The following COX10 variants were observed in gnomAD, a reference collection of about 807,000 sequenced individuals.
COX10 encodes the protein cytochrome c oxidase assembly factor heme A:farnesyltransferase COX10, also known as protoheme IX farnesyltransferase, mitochondrial.
A neutral mutation model predicts 37.3 loss-of-function variants in COX10; 27 were observed. That is an observed-to-expected ratio of 0.72 (90% CI 0.53 to 1.00). The LOEUF (loss-of-function observed/expected upper bound fraction) is 1.00. Ranked by LOEUF, COX10 falls within the 50% of genes least tolerant of loss-of-function variation. COX10 has a pLI of 0.00. For synonymous variants in COX10, 222 were observed against 229.1 expected, an observed-to-expected ratio of 0.97 and a Z score of 0.28; for missense variants, 475 against 563.2, an observed-to-expected ratio of 0.84 and a Z score of 1.59.
At chr17:14,163,997 C>A (rs1402285431) in intron 5 of COX10, among the ~76,000 whole-genome samples, 1 of 152,092 alleles carries the variant, frequency 6.6e-6, no homozygotes, top group East Asian at 1.9e-4. Context: ...TTTTGCAAAT[C>A]TGACTCCACA....
intron 5 of COX10, among the ~76,000 whole-genome samples, chr17:14,190,865 T>C (rs1387713130): frequency 2.0e-5 from 3 of 151,942 alleles, no homozygotes; most frequent in Non-Finnish European, 4.4e-5. Flanking sequence ...CATAGAAGGG[T>C]ATCATCTCAC....
intron 6 of COX10, among the ~76,000 whole-genome samples, chr17:14,198,261 C>T (rs979853716): frequency 7.9e-5 from 12 of 152,140 alleles, no homozygotes; most frequent in Admixed American, 5.2e-4. Context: ...CAGCTGCAAG[C>T]GGGCCTGGAG....
intron 4 of COX10, among the ~76,000 whole-genome samples, chr17:14,121,933 C>T (rs533838496): frequency 6.6e-6 from 1 of 152,114 alleles, no homozygotes; most frequent in Admixed American, 6.5e-5. Flanking sequence ...TACACATGTG[C>T]ATGTGTGTGG....
At chr17:14,176,571 C>A (rs1395420983) in intron 5 of COX10, among the ~76,000 whole-genome samples, 1 of 152,124 alleles carries the variant, frequency 6.6e-6, no homozygotes, top group Non-Finnish European at 1.5e-5. Context: ...CTGAGTGATT[C>A]TCAAACTCTA....
chr17:14,160,151 G>GT (rs956889118), intron 5 of COX10, among the ~76,000 whole-genome samples: 14 of 151,254 alleles, frequency 9.3e-5, no homozygotes, highest in South Asian at 2.1e-4. Flanking sequence ...GAGTGGCAGG[G>GT]TTTTTTTTTA....
intron 3 of COX10, among the ~76,000 whole-genome samples, chr17:14,101,520 G>C (rs541579842): frequency 6.6e-6 from 1 of 152,308 alleles, no homozygotes; most frequent in East Asian, 1.9e-4. Flanking sequence ...AGCCTTGGTG[G>C]AAGCTTGAAA....
chr17:14,201,132 G>C (rs1906530427), intron 6 of COX10, among the ~76,000 whole-genome samples: 1 of 152,236 alleles, frequency 6.6e-6, no homozygotes, highest in South Asian at 2.1e-4. Context: ...AGGCAGAGGA[G>C]ATGAGTAGAA....
At chr17:14,107,745 C>T (rs1387528161) in intron 4 of COX10, among the ~76,000 whole-genome samples, 1 of 151,970 alleles carries the variant, frequency 6.6e-6, no homozygotes, top group Non-Finnish European at 1.5e-5. Context: ...CTGCTATTAG[C>T]AAATTGTTCT....
intron 4 of COX10, among the ~76,000 whole-genome samples, chr17:14,134,839 A>G (rs1039956484): frequency 6.6e-5 from 10 of 151,666 alleles, no homozygotes; most frequent in African/African-American, 2.4e-4. Flanking sequence ...TGCAGTTGTA[A>G]GAAATAATAT....
intron 4 of COX10, among the ~76,000 whole-genome samples, chr17:14,147,962 C>T (rs1258017104): frequency 1.3e-5 from 2 of 151,452 alleles, no homozygotes; most frequent in African/African-American, 4.9e-5. Flanking sequence ...TGAGATCTCT[C>T]TGGAAGGAAA....
intron 4 of COX10, among the ~76,000 whole-genome samples, chr17:14,142,106 CTT>C (rs755989541): frequency 2.0e-5 from 3 of 152,182 alleles, no homozygotes; most frequent in Non-Finnish European, 4.4e-5. Flanking sequence ...GTAAGCGCCT[CTT>C]TATTAGAAAA....
At chr17:14,145,528 G>T (rs902883747) in intron 4 of COX10, among the ~76,000 whole-genome samples, 1 of 152,118 alleles carries the variant, frequency 6.6e-6, no homozygotes, top group Non-Finnish European at 1.5e-5. Flanking sequence ...AGGTAGCTCA[G>T]AATGCTTAGA....
At chr17:14,136,151 G>C (rs1049700714) in intron 4 of COX10, among the ~76,000 whole-genome samples, 1 of 151,994 alleles carries the variant, frequency 6.6e-6, no homozygotes, top group Non-Finnish European at 1.5e-5. Flanking sequence ...CATTGGGAAA[G>C]AGATGAAATA....
chr17:14,160,034 G>T, intron 5 of COX10, 87 bp downstream of exon 5: 1 of 1,208,182 alleles, frequency 8.3e-7, no homozygotes, highest in Non-Finnish European at 1.2e-6. Context: ...TTTGCTTTGA[G>T]CTGCGAAGTG....
At chr17:14,098,310 C>T (rs938944707) in intron 3 of COX10, among the ~76,000 whole-genome samples, 2 of 152,214 alleles carry the variant, frequency 1.3e-5, no homozygotes, top group Middle Eastern at 3.4e-3. Flanking sequence ...CAAATTCTCC[C>T]ATTGATACTA....
intron 4 of COX10, among the ~76,000 whole-genome samples, chr17:14,117,865 TG>T: frequency 6.6e-6 from 1 of 152,100 alleles, no homozygotes; most frequent in Non-Finnish European, 1.5e-5. Flanking sequence ...GGATCACATG[TG>T]GGCTTGGAGG....
intron 5 of COX10, among the ~76,000 whole-genome samples, chr17:14,173,474 A>G (rs1905548057): frequency 6.6e-6 from 1 of 152,256 alleles, no homozygotes. Flanking sequence ...AGCAAAGACC[A>G]TGTCAGGCAA....
At chr17:14,179,886 A>G (rs7225114) in intron 5 of COX10, among the ~76,000 whole-genome samples, 3,160 of 151,830 alleles carry the variant, frequency 0.021, 98 homozygotes, top group African/African-American at 0.072. Flanking sequence ...TTATTTAGAG[A>G]GGATAAATTA....
chr17:14,172,924 C>T (rs1349558689), intron 5 of COX10, among the ~76,000 whole-genome samples: 4 of 152,056 alleles, frequency 2.6e-5, no homozygotes, highest in Non-Finnish European at 5.9e-5. Flanking sequence ...AACTCCTGGC[C>T]TCAAGTGATC....
Sources: gnomAD v4.1 joint callset for allele counts (sites outside exome capture counted in the v4.1 genomes callset) on GRCh38, gnomAD v4.1.1 for gene constraint, MANE v1.5 for transcripts, NCBI Gene and HGNC (gene_info 2026-07-23, HGNC 2026-07-21) for gene names.